ZNF136: variants seen among roughly 807,000 people sequenced by gnomAD.
ZNF136 encodes the protein zinc finger protein 136 (clone pHZ-20).
A neutral mutation model predicts 11.4 loss-of-function variants in ZNF136; 8 were observed. The ratio of observed to expected loss-of-function variants is 0.70; its 90% CI spans 0.41 to 1.27. ZNF136 has a LOEUF of 1.27. Among genes scored for constraint, ZNF136 ranks in the 50% most tolerant of loss-of-function variants. The pLI, the probability that ZNF136 is intolerant of heterozygous loss-of-function variation, is 0.01. For missense variants in ZNF136, 590 were observed against 656.5 expected (o/e 0.90, Z 1.11); for synonymous variants, 190 against 207.1 (o/e 0.92, Z 0.71).
At chr19:12,165,589 G>T (rs1977175138) in intron 1 of ZNF136, among the ~76,000 whole-genome samples, 1 of 152,038 alleles carries the variant, frequency 6.6e-6, no homozygotes, top group Non-Finnish European at 1.5e-5. Context: ...TAGGTGCTGT[G>T]GCTTTTTACC....
chr19:12,186,440 T>G (rs1008705111), intron 3 of ZNF136, 130 bp from the exon 4 acceptor site: 2 of 874,832 alleles, frequency 2.3e-6, no homozygotes, highest in Non-Finnish European at 3.4e-6. Flanking sequence ...TTGAATTCAT[T>G]CATGCTCAAA....
intron 1 of ZNF136, among the ~76,000 whole-genome samples, chr19:12,181,448 T>C (rs886481642): frequency 3.9e-5 from 6 of 152,000 alleles, no homozygotes; most frequent in Non-Finnish European, 8.8e-5. Flanking sequence ...ATTTGGTTTT[T>C]TTGTTTTGTT....
At chr19:12,165,208 G>A (rs1284878081) in intron 1 of ZNF136, among the ~76,000 whole-genome samples, 1 of 152,200 alleles carries the variant, frequency 6.6e-6, no homozygotes, top group African/African-American at 2.4e-5. Flanking sequence ...ACACAGTGTC[G>A]CGTAATGCAG....
chr19:12,179,418 C>G (rs1408223666), intron 1 of ZNF136, among the ~76,000 whole-genome samples: 1 of 151,396 alleles, frequency 6.6e-6, no homozygotes, highest in East Asian at 1.9e-4. Context: ...TCAAGCTATT[C>G]TCCTGCCTCA....
intron 1 of ZNF136, among the ~76,000 whole-genome samples, chr19:12,184,460 C>G (rs551740054): frequency 6.6e-6 from 1 of 150,560 alleles, no homozygotes; most frequent in Admixed American, 6.7e-5. Context: ...ACTCAGGAGG[C>G]TGAGGCAGGA....
At chr19:12,182,998 A>T (rs74476863) in intron 1 of ZNF136, among the ~76,000 whole-genome samples, 4,195 of 152,312 alleles carry the variant, frequency 0.028, 195 homozygotes, top group African/African-American at 0.093. Flanking sequence ...AAATATTTCC[A>T]AAGAGATGAG....
chr19:12,167,196 C>T (rs917910615), intron 1 of ZNF136, among the ~76,000 whole-genome samples: 1 of 152,154 alleles, frequency 6.6e-6, no homozygotes, highest in African/African-American at 2.4e-5. Flanking sequence ...AAGTCAAGGG[C>T]TTGCATCTGT....
intron 1 of ZNF136, among the ~76,000 whole-genome samples, chr19:12,176,297 CCT>C (rs1914790759): frequency 1.3e-5 from 2 of 151,984 alleles, no homozygotes; most frequent in South Asian, 2.1e-4. Flanking sequence ...GTGTAAAACC[CCT>C]GTGTGTGTAT....
rs551447073 is a variant in ZNF136, at chr19:12,175,971, T to A, written c.4-9814T>A. ...GGGCATGTGATCATGAAATTTTTTT[T>A]AAAAAGTAATACGCATTTAAGGTTC... On this transcript the variant is annotated intron_variant, in intron 1 of 3. Transcript: ENST00000343979. 2.0e-4 allele frequency among the ~76,000 whole-genome samples: 30 copies of A among 152,324 alleles called. 1 individual carries two copies. The Middle Eastern group carries it at 0.02, about 104-fold the overall frequency.
intron 1 of ZNF136, among the ~76,000 whole-genome samples, chr19:12,166,150 C>T (rs1262017011): frequency 3.9e-5 from 6 of 151,902 alleles, no homozygotes; most frequent in Non-Finnish European, 7.4e-5. Context: ...ATCACTTGAA[C>T]CCAGGAAGTG....
At chr19:12,178,557 C>T (rs951185721) in intron 1 of ZNF136, among the ~76,000 whole-genome samples, 1 of 152,192 alleles carries the variant, frequency 6.6e-6, no homozygotes, top group Non-Finnish European at 1.5e-5. Flanking sequence ...AGTTTACTAA[C>T]TGGTTTCGAA....
intron 1 of ZNF136, among the ~76,000 whole-genome samples, chr19:12,181,593 C>G (rs1274906232): frequency 6.6e-6 from 1 of 151,890 alleles, no homozygotes; most frequent in South Asian, 2.1e-4. Context: ...CTGCCTCAGC[C>G]TCCTGAGTAG....
Position 12,187,524 on chromosome 19 carries a change from C to T in ZNF136, c.1146C>T (p.His382=), listed in dbSNP as rs559944338. 1.7e-5 allele frequency: 28 copies of T among 1,613,590 alleles called. No homozygotes were observed. In the South Asian group the frequency reaches 2.9e-4, roughly 16 times the overall value. The change falls in exon 4 of 4, where the codon CAC becomes CAT. Residue 382 remains histidine, a synonymous_variant. Transcript: ENST00000343979. ...AFSCIPSMRR[H]MIKHTGEGPY... ...GTTGTATCCCAAGTATGCGAAGACA[C>T]ATGATAAAACATACTGGAGAAGGAC...
intron 1 of ZNF136, among the ~76,000 whole-genome samples, chr19:12,180,737 T>C (rs554559634): frequency 5.9e-5 from 9 of 152,184 alleles, no homozygotes; most frequent in Non-Finnish European, 1.3e-4. Context: ...AGGTTAACAA[T>C]AATGATTCCC....
intron 3 of ZNF136, 40 bp downstream of exon 3, chr19:12,186,214 C>G (rs777532744): frequency 1.3e-6 from 2 of 1,562,490 alleles, no homozygotes; most frequent in South Asian, 2.4e-5. Context: ...CTTGAAAGTA[C>G]CTTAGCATGT....
At chr19:12,165,966 G>A (rs1334394768) in intron 1 of ZNF136, among the ~76,000 whole-genome samples, 2 of 152,274 alleles carry the variant, frequency 1.3e-5, no homozygotes, top group South Asian at 2.1e-4. Flanking sequence ...GGTGGCTCAC[G>A]CCTGTAATCC....
rs768111720 is a variant in ZNF136, at chr19:12,187,534, C to T, written c.1156C>T (p.His386Tyr). The change falls in exon 4 of 4, where the codon CAT (histidine) becomes TAT (tyrosine). Residue 386 changes from histidine to tyrosine, a missense_variant. Physicochemically the swap from His to Tyr is moderately conservative, Grantham distance 83. Transcript: ENST00000343979. Reference protein sequence around the residue: ...IPSMRRHMIKHTGEGPYKCKV... With the variant: ...IPSMRRHMIKYTGEGPYKCKV... ...AAGTATGCGAAGACACATGATAAAA[C>T]ATACTGGAGAAGGACCTTATAAATG... 9 of 1,613,836 alleles carry T rather than the reference C, an allele frequency of 5.6e-6. No homozygotes were observed.
intron 1 of ZNF136, among the ~76,000 whole-genome samples, chr19:12,182,862 T>C (rs1033344047): frequency 6.6e-6 from 1 of 152,178 alleles, no homozygotes; most frequent in Non-Finnish European, 1.5e-5. Context: ...GACTGGGCAG[T>C]TAAGTCAGAT....
At chr19:12,184,859 T>C (rs1029983448) in intron 1 of ZNF136, 4 of 152,172 alleles carry the variant, frequency 2.6e-5, no homozygotes, top group Admixed American at 6.5e-5. Flanking sequence ...CGAGCTACTC[T>C]TACATAGGTC....
Sources: gnomAD v4.1 joint callset for allele counts (sites outside exome capture counted in the v4.1 genomes callset) on GRCh38, gnomAD v4.1.1 for gene constraint, MANE v1.5 for transcripts, NCBI Gene and HGNC (gene_info 2026-07-23, HGNC 2026-07-21) for gene names.